ZBTB20: variants seen among roughly 807,000 people sequenced by gnomAD.
ZBTB20 encodes the protein zinc finger and BTB domain containing 20, also known as zinc finger and BTB domain-containing protein 20.
A neutral mutation model predicts 56.9 loss-of-function variants in ZBTB20; 9 were observed. The observed-to-expected ratio is 0.16, with a 90% CI of 0.10 to 0.28. ZBTB20 has a LOEUF of 0.28. Among genes scored for constraint, ZBTB20 ranks in the 10% least tolerant of loss-of-function variants. The pLI is 1.00. For missense variants in ZBTB20, 655 were observed against 1,003.0 expected, an observed-to-expected ratio of 0.65 and a Z score of 4.69; for synonymous variants, 417 against 420.7, an observed-to-expected ratio of 0.99 and a Z score of 0.11.
At chr3:114,724,017 C>T (rs1015488318) in intron 5 of ZBTB20, among the ~76,000 whole-genome samples, 1 of 151,690 alleles carries the variant, frequency 6.6e-6, no homozygotes, top group African/African-American at 2.4e-5. Context: ...TACAGGCGCC[C>T]ACCACCGAGC....
chr3:114,364,897 T>G (rs1480827211), intron 10 of ZBTB20, among the ~76,000 whole-genome samples: 3 of 152,138 alleles, frequency 2.0e-5, no homozygotes, highest in African/African-American at 7.2e-5. Flanking sequence ...TTTCCTCAGT[T>G]TGCACCTGTA....
intron 4 of ZBTB20, among the ~76,000 whole-genome samples, chr3:114,846,576 T>C (rs1441701025): frequency 1.3e-5 from 2 of 152,212 alleles, no homozygotes; most frequent in African/African-American, 2.4e-5. Flanking sequence ...CTAGTTCTTT[T>C]GGATGAAACC....
At chr3:114,377,723 A>G (rs925677831) in intron 10 of ZBTB20, among the ~76,000 whole-genome samples, 2 of 152,156 alleles carry the variant, frequency 1.3e-5, no homozygotes, top group Non-Finnish European at 2.9e-5. Flanking sequence ...ATGAGAGCAA[A>G]TCCATAAACA....
chr3:114,788,056 A>G (rs974454374), intron 5 of ZBTB20, among the ~76,000 whole-genome samples: 2 of 152,188 alleles, frequency 1.3e-5, no homozygotes, highest in African/African-American at 4.8e-5. Context: ...TACTTAAGCC[A>G]ATAAATTACC....
intron 7 of ZBTB20, among the ~76,000 whole-genome samples, chr3:114,440,105 T>TA (rs1222103409): frequency 6.6e-6 from 1 of 152,094 alleles, no homozygotes; most frequent in Non-Finnish European, 1.5e-5. Context: ...TTTTTTTTTT[T>TA]TAAAAAGTGA....
At chr3:115,001,528 G>A (rs2079247865) in intron 2 of ZBTB20, among the ~76,000 whole-genome samples, 3 of 146,570 alleles carry the variant, frequency 2.0e-5, no homozygotes, top group Admixed American at 2.0e-4. Flanking sequence ...CACAAGTTTA[G>A]GGATTTTTTT....
At chr3:114,413,764 C>T (rs2088228000) in intron 7 of ZBTB20, among the ~76,000 whole-genome samples, 1 of 152,110 alleles carries the variant, frequency 6.6e-6, no homozygotes, top group Non-Finnish European at 1.5e-5. Context: ...TTATCATCTC[C>T]ATATTACAGA....
intron 5 of ZBTB20, among the ~76,000 whole-genome samples, chr3:114,784,198 T>G (rs1020502708): frequency 3.3e-5 from 5 of 152,190 alleles, no homozygotes; most frequent in African/African-American, 1.2e-4. Context: ...TTTCTTTCTA[T>G]AGTTAACTAG....
chr3:114,701,236 A>T (rs2063373219), intron 5 of ZBTB20, among the ~76,000 whole-genome samples: 1 of 152,180 alleles, frequency 6.6e-6, no homozygotes, highest in Non-Finnish European at 1.5e-5. Context: ...CTGTTTGTTA[A>T]CTCATTATTG....
intron 2 of ZBTB20, among the ~76,000 whole-genome samples, chr3:115,036,375 C>A (rs528772804): frequency 1.1e-4 from 17 of 152,076 alleles, no homozygotes; most frequent in African/African-American, 4.1e-4. Context: ...TCTCGGCTCA[C>A]TGTAACCTCC....
At chr3:114,919,994 T>C (rs898126027) in intron 3 of ZBTB20, among the ~76,000 whole-genome samples, 6 of 152,226 alleles carry the variant, frequency 3.9e-5, no homozygotes, top group Non-Finnish European at 5.9e-5. Context: ...TCAGACAAAA[T>C]AGACTATCAG....
intron 4 of ZBTB20, among the ~76,000 whole-genome samples, chr3:114,832,426 G>A (rs1323987620): frequency 6.6e-6 from 1 of 151,998 alleles, no homozygotes; most frequent in African/African-American, 2.4e-5. Flanking sequence ...CCCAGATCTA[G>A]TGAAGGCATG....
chr3:114,835,080 C>T (rs748949547), intron 4 of ZBTB20, among the ~76,000 whole-genome samples: 2 of 152,136 alleles, frequency 1.3e-5, no homozygotes, highest in African/African-American at 2.4e-5. Flanking sequence ...ACACCAGCTA[C>T]TGTTTACCCA....
At chr3:115,063,987 C>T (rs1560539397) in intron 2 of ZBTB20, among the ~76,000 whole-genome samples, 1 of 151,936 alleles carries the variant, frequency 6.6e-6, no homozygotes, top group Non-Finnish European at 1.5e-5. Context: ...TATTTCCTTC[C>T]TATTGTTAAT....
chr3:114,990,421 G>A (rs2078751345), intron 2 of ZBTB20, among the ~76,000 whole-genome samples: 2 of 152,154 alleles, frequency 1.3e-5, no homozygotes, highest in African/African-American at 4.8e-5. Context: ...ATTTGTGTAT[G>A]TTGAACCAGC....
chr3:114,781,979 T>A lies in ZBTB20; in HGVS notation c.-343+19122A>T, dbSNP rs191089535. Among the ~76,000 whole-genome samples the A allele has an allele frequency of 2.0e-5, 3 of 152,316 alleles. No individual in the cohort carries two copies. The East Asian group carries it at 5.8e-4, about 29-fold the overall frequency. ...TCTTTATAAATTACCCAGTCTTGCA[T>A]GTCTTTATTGTGAGAACAGACTAAT... On this transcript the variant is annotated intron_variant, in intron 5 of 11. Transcript: ENST00000675478.
At chr3:115,133,623 C>A (rs1376470972) in intron 1 of ZBTB20, among the ~76,000 whole-genome samples, 1 of 152,156 alleles carries the variant, frequency 6.6e-6, no homozygotes, top group African/African-American at 2.4e-5. Context: ...TAAATGAAAT[C>A]ACACAGTATG....
intron 1 of ZBTB20, among the ~76,000 whole-genome samples, chr3:115,105,729 AAC>A (rs1176865434): frequency 3.9e-5 from 6 of 152,260 alleles, no homozygotes; most frequent in African/African-American, 1.4e-4. Flanking sequence ...CTAAATAATA[AAC>A]ACAATAAAAT....
chr3:115,073,815 AT>A (rs1271666828), intron 1 of ZBTB20, among the ~76,000 whole-genome samples: 1 of 113,534 alleles, frequency 8.8e-6, no homozygotes, highest in Non-Finnish European at 1.8e-5. Context: ...AATATTTTAA[AT>A]TCAAACTTAA....
Sources: allele counts gnomAD v4.1 joint callset (sites outside exome capture counted in the v4.1 genomes callset), GRCh38; gene constraint gnomAD v4.1.1; transcripts MANE v1.5; gene names NCBI Gene and HGNC (gene_info 2026-07-23, HGNC 2026-07-21).